The following COL28A1 variants were observed in gnomAD, a reference collection of about 807,000 sequenced individuals.
COL28A1 encodes the protein collagen alpha-1(XXVIII) chain.
COL28A1 carries 161 observed loss-of-function variants against 150.2 expected under a neutral mutation model. The observed-to-expected ratio is 1.07, with a 90% CI of 0.94 to 1.22. The LOEUF is 1.22. Ranked by LOEUF, COL28A1 falls within the 50% of genes most tolerant of loss-of-function variation. COL28A1 has a pLI of 0.00. For synonymous variants in COL28A1, 552 were observed against 469.7 expected (o/e 1.18, Z -2.26); for missense variants, 1,617 against 1,388.3 (o/e 1.16, Z -2.62).
At chr7:7,457,081 CAATG>C (rs1179713051) in intron 15 of COL28A1, among the ~76,000 whole-genome samples, 3 of 152,156 alleles carry the variant, frequency 2.0e-5, no homozygotes, top group African/African-American at 7.2e-5. Flanking sequence ...GAGCGGTAGA[CAATG>C]AAGTCAGAGA....
the COL28A1 span, among the ~76,000 whole-genome samples, chr7:7,543,380 A>G: frequency 6.6e-6 from 1 of 152,180 alleles, no homozygotes; most frequent in African/African-American, 2.4e-5. Flanking sequence ...ATACTGAAAC[A>G]TTTTCTTAGT....
intron 15 of COL28A1, among the ~76,000 whole-genome samples, chr7:7,457,565 C>T (rs1051414537): frequency 6.6e-6 from 1 of 152,104 alleles, no homozygotes; most frequent in Admixed American, 6.6e-5. Flanking sequence ...GGGATGAGAA[C>T]ATAAATTTGG....
intron 4 of COL28A1, 92 bp from the exon 5 acceptor site, chr7:7,522,053 TATTTCAAATAA>T (rs781187043): frequency 1.3e-6 from 1 of 771,388 alleles, no homozygotes; most frequent in South Asian, 1.4e-5. Context: ...TTTCAAAGTG[TATTTCAAATAA>T]ATTTCAAATA....
chr7:7,408,355 A>G (rs1219078085), intron 27 of COL28A1, among the ~76,000 whole-genome samples: 1 of 152,100 alleles, frequency 6.6e-6, no homozygotes, highest in Non-Finnish European at 1.5e-5. Flanking sequence ...CAGGTAATTT[A>G]CTTCATTTCC....
chr7:7,439,328 A>G (rs1282376145), intron 21 of COL28A1, among the ~76,000 whole-genome samples: 3 of 152,186 alleles, frequency 2.0e-5, no homozygotes, highest in Admixed American at 6.5e-5. Context: ...CTGGAAGGCA[A>G]TGGCACAGGA....
intron 18 of COL28A1, among the ~76,000 whole-genome samples, chr7:7,452,011 T>C (rs1023230465): frequency 1.3e-5 from 2 of 152,226 alleles, no homozygotes; most frequent in African/African-American, 4.8e-5. Flanking sequence ...CGTTCATTTA[T>C]TCAGCAGTAT....
rs1166593828 is a variant in COL28A1 at position 7,373,473 on chromosome 7, T to C, written c.2433A>G (p.Pro811=). 1 of 1,614,160 alleles carries C rather than the reference T, an allele frequency of 6.2e-7. No homozygotes were observed. The highest frequency in any genetic ancestry group is 8.5e-7 in the Non-Finnish European group (1 of 1,180,034). ...FVIDSSESVG[P]ENFQIIKNFV... ...AATTTTTAATGATCTGAAAGTTCTCTGGCCCCACGCTTTCTGAGCTGTCGA... is the reference window on the plus strand; with the variant it reads ...AATTTTTAATGATCTGAAAGTTCTCCGGCCCCACGCTTTCTGAGCTGTCGA... Residue 811 remains proline, a synonymous_variant, in exon 32 of 35, where the codon CCA becomes CCG. Coordinates refer to ENST00000399429, the MANE Select transcript of COL28A1 (RefSeq NM_001037763.3). This position sits in a 1 kb window ranked among gnomAD's most constrained non-coding sequence, Gnocchi z 4.1.
rs368591472 is a variant in COL28A1, at chr7:7,373,478, C to T, written c.2428G>A (p.Gly810Arg). 6.2e-7 allele frequency: 1 copy of T among 1,614,062 alleles called. No individual in the cohort carries two copies. Among genetic ancestry groups the T allele is most frequent in the South Asian group, 1.1e-5 (1 of 91,082 alleles). ...TTAATGATCTGAAAGTTCTCTGGCCCCACGCTTTCTGAGCTGTCGATCACA... is the reference window on the plus strand; with the variant it reads ...TTAATGATCTGAAAGTTCTCTGGCCTCACGCTTTCTGAGCTGTCGATCACA... The part of the protein sequence containing the change: ...VFVIDSSESV[G>R]PENFQIIKNF... Residue 810 changes from glycine to arginine, a missense_variant, in exon 32 of 35, where the codon GGG becomes AGG. By Grantham distance (125) the Gly-to-Arg change is moderately radical. Transcript: ENST00000399429. This position sits in a 1 kb window ranked among gnomAD's most constrained non-coding sequence, Gnocchi z 4.1.
chr7:7,532,832 G>T lies in COL28A1; in HGVS notation c.44C>A (p.Ala15Glu). Residue 15 changes from alanine to glutamate, a missense_variant, in exon 2 of 35, where the codon GCG becomes GAG. Physicochemically the swap from Ala to Glu is moderately radical, Grantham distance 107. Coordinates refer to ENST00000399429, the MANE Select transcript of COL28A1 (RefSeq NM_001037763.3). ...TCCGGATACTGTTTGACTCGTAAACGCTGACAAAAGCAGGAGATAGAAGAC... is the reference window on the plus strand; with the variant it reads ...TCCGGATACTGTTTGACTCGTAAACTCTGACAAAAGCAGGAGATAGAAGAC... ...YFVFYLLLLS[A>E]FTSQTVSGQR... is the part of the protein sequence containing the mutation. 1.2e-6 allele frequency: 2 copies of T among 1,611,480 alleles called. No individual in the cohort carries two copies. The highest frequency in any genetic ancestry group is 1.7e-6 in the Non-Finnish European group (2 of 1,179,040).
intron 27 of COL28A1, among the ~76,000 whole-genome samples, chr7:7,395,015 G>C (rs766478265): frequency 6.6e-6 from 1 of 152,188 alleles, no homozygotes; most frequent in Non-Finnish European, 1.5e-5. Flanking sequence ...CTATGGGCTG[G>C]GCATGGTGGC....
intron 11 of COL28A1, among the ~76,000 whole-genome samples, chr7:7,499,153 A>T (rs1484127476): frequency 1.3e-5 from 2 of 152,162 alleles, no homozygotes; most frequent in African/African-American, 4.8e-5. Flanking sequence ...TTGCTGGATT[A>T]CTAATGATTC....
intron 15 of COL28A1, among the ~76,000 whole-genome samples, chr7:7,462,642 T>A (rs1787722941): frequency 6.6e-6 from 1 of 152,156 alleles, no homozygotes; most frequent in South Asian, 2.1e-4. Flanking sequence ...ATGGACTACC[T>A]GAGGTCAGGA....
chr7:7,365,572 G>A (rs1236918885), intron 33 of COL28A1, among the ~76,000 whole-genome samples: 1 of 152,152 alleles, frequency 6.6e-6, no homozygotes, highest in Non-Finnish European at 1.5e-5. Context: ...TGCTGACCAG[G>A]TGCCACATCC....
chr7:7,522,842 G>GTGCATACA (rs1562905541), intron 4 of COL28A1, among the ~76,000 whole-genome samples: 1 of 92,634 alleles, frequency 1.1e-5, no homozygotes, highest in African/African-American at 4.0e-5. Flanking sequence ...AAAAAGGGCC[G>GTGCATACA]TGCATACATT....
chr7:7,525,153 C>T (rs917352184), intron 3 of COL28A1, among the ~76,000 whole-genome samples: 1 of 152,182 alleles, frequency 6.6e-6, no homozygotes, highest in Non-Finnish European at 1.5e-5. Flanking sequence ...CAGACTCAAC[C>T]TCTTGCTTTG....
chr7:7,346,143 TCTA>T, the COL28A1 span, among the ~76,000 whole-genome samples: 3 of 152,064 alleles, frequency 2.0e-5, no homozygotes, highest in Non-Finnish European at 4.4e-5. Context: ...GCTCTAGTGT[TCTA>T]CTATTTGCTC....
intron 27 of COL28A1, among the ~76,000 whole-genome samples, chr7:7,399,201 T>A (rs2128297894): frequency 6.6e-6 from 1 of 152,232 alleles, no homozygotes; most frequent in South Asian, 2.1e-4. Context: ...TCAGGATTCT[T>A]TTTGTGTTCT....
chr7:7,358,373 T>C lies in COL28A1; in HGVS notation c.*260A>G. 2.8e-6 allele frequency: 1 copy of C among 361,670 alleles called. No homozygotes were observed. The highest frequency in any genetic ancestry group is 5.0e-6 in the Non-Finnish European group (1 of 199,770). The allele number at this position is 361,670 out of a possible 1,614,324, so 22.4% of individuals were successfully genotyped here. On this transcript the variant is annotated 3_prime_UTR_variant, in exon 35 of 35. Coordinates refer to ENST00000399429, the MANE Select transcript of COL28A1 (RefSeq NM_001037763.3). ...AGTCTGTGTATTGAAGTTACACAGCTCTAAGTCTAAATCCTCAGCTCTGAA... is the reference window on the plus strand; with the variant it reads ...AGTCTGTGTATTGAAGTTACACAGCCCTAAGTCTAAATCCTCAGCTCTGAA...
intron 26 of COL28A1, among the ~76,000 whole-genome samples, chr7:7,419,353 C>CCCTTCTTTGTT (rs1230500010): frequency 1.3e-5 from 2 of 152,142 alleles, no homozygotes; most frequent in Non-Finnish European, 2.9e-5. Flanking sequence ...GAAACAAAGT[C>CCCTTCTTTGTT]TCCCTCTTTG....
Sources: gnomAD v4.1 joint callset for allele counts (sites outside exome capture counted in the v4.1 genomes callset) on GRCh38, gnomAD v4.1.1 for gene constraint, Gnocchi (gnomAD v3.1) non-coding constraint, MANE v1.5 for transcripts, NCBI Gene and HGNC (gene_info 2026-07-23, HGNC 2026-07-21) for gene names.